The following MAGI2 variants were observed in gnomAD, a reference collection of about 807,000 sequenced individuals.
MAGI2 encodes membrane-associated guanylate kinase, WW and PDZ domain-containing protein 2.
In MAGI2, 35 loss-of-function variants were observed where a neutral mutation model predicts 133.3. The observed-to-expected ratio is 0.26, with a 90% CI of 0.20 to 0.35. MAGI2 has a LOEUF of 0.35. Among genes scored for constraint, MAGI2 ranks in the 10% least tolerant of loss-of-function variants. The pLI is 1.00. For synonymous variants in MAGI2, 729 were observed against 710.6 expected (o/e 1.03, Z -0.41); for missense variants, 1,636 against 1,863.4 (o/e 0.88, Z 2.25).
chr7:79,135,997 AAGAAAGAGAAAGAAAG>A (rs1821400397), intron 1 of MAGI2, among the ~76,000 whole-genome samples: 1 of 47,226 alleles, frequency 2.1e-5, no homozygotes, highest in African/African-American at 5.6e-5. Context: ...GAAAGAAAGA[AAGAAAGAGAAAGAAAG>A]AAAGAAAGAA....
intron 3 of MAGI2, among the ~76,000 whole-genome samples, chr7:78,579,065 T>G (rs996623522): frequency 4.6e-5 from 7 of 152,182 alleles, no homozygotes; most frequent in Non-Finnish European, 1.0e-4. Context: ...GAAGCTTTCC[T>G]CAGGTACAGC....
intron 6 of MAGI2, among the ~76,000 whole-genome samples, chr7:78,384,766 C>T (rs1411272359): frequency 6.6e-6 from 1 of 152,040 alleles, no homozygotes; most frequent in African/African-American, 2.4e-5. Context: ...ATTAGACAAA[C>T]TGAATTCTAC....
intron 1 of MAGI2, among the ~76,000 whole-genome samples, chr7:79,026,882 G>GAAAAGA (rs1554335936): frequency 6.7e-6 from 1 of 149,594 alleles, no homozygotes; most frequent in Non-Finnish European, 1.5e-5. Context: ...AAAGAAAAAA[G>GAAAAGA]AAAAAAAAAT....
intron 1 of MAGI2, among the ~76,000 whole-genome samples, chr7:79,304,731 A>G (rs561642382): frequency 2.0e-5 from 3 of 152,310 alleles, no homozygotes; most frequent in African/African-American, 7.2e-5. Context: ...CACCAGGTCT[A>G]ATTCCCTCTC....
chr7:79,130,096 G>A (rs1385674536), intron 1 of MAGI2, among the ~76,000 whole-genome samples: 1 of 150,164 alleles, frequency 6.7e-6, no homozygotes, highest in African/African-American at 2.4e-5. Flanking sequence ...AAGCCAGGAG[G>A]TCAAGGCCAG....
intron 2 of MAGI2, among the ~76,000 whole-genome samples, chr7:78,776,167 T>C (rs1825972013): frequency 6.6e-6 from 1 of 152,252 alleles, no homozygotes. Context: ...TAAGTGTTAA[T>C]TATTATTTTA....
intron 2 of MAGI2, among the ~76,000 whole-genome samples, chr7:78,689,746 T>C (rs181839837): frequency 3.3e-5 from 5 of 150,582 alleles, no homozygotes; most frequent in African/African-American, 9.7e-5. Context: ...CATGCTGTTA[T>C]ATGTATCAGT....
At chr7:78,771,181 C>G (rs952166418) in intron 2 of MAGI2, 1 of 152,184 alleles carries the variant, frequency 6.6e-6, no homozygotes, top group Non-Finnish European at 1.5e-5. Flanking sequence ...TCTCCTTCTC[C>G]CCTCTCTCGC....
chr7:78,165,288 G>A (rs1275316074), intron 15 of MAGI2, among the ~76,000 whole-genome samples: 3 of 152,084 alleles, frequency 2.0e-5, no homozygotes, highest in African/African-American at 4.8e-5. Flanking sequence ...TTGTATCACT[G>A]CACTCCAGCT....
chr7:78,777,295 A>G (rs1826058827), intron 2 of MAGI2, among the ~76,000 whole-genome samples: 1 of 152,180 alleles, frequency 6.6e-6, no homozygotes, highest in Non-Finnish European at 1.5e-5. Context: ...AGCGACCTTG[A>G]CTTCACTATT....
At chr7:78,595,408 A>T (rs1393207037) in intron 3 of MAGI2, among the ~76,000 whole-genome samples, 1 of 152,186 alleles carries the variant, frequency 6.6e-6, no homozygotes, top group East Asian at 1.9e-4. Flanking sequence ...TTTTTAAACT[A>T]GCTGCGATTT....
chr7:78,338,142 T>C lies in MAGI2; in HGVS notation c.1408+5636A>G, dbSNP rs531002207. 3.3e-5 allele frequency among the ~76,000 whole-genome samples: 5 copies of C among 152,368 alleles called. No individual in the cohort carries two copies. The South Asian group carries it at 1.0e-3, about 32-fold the overall frequency. On this transcript the variant is annotated intron_variant, in intron 9 of 21. Transcript: ENST00000354212. ...AGGATATATGACTCTATACTGTCTC[T>C]GATGTTTGCTACAAGTCTAAGTAGT...
intron 2 of MAGI2, among the ~76,000 whole-genome samples, chr7:78,748,721 C>T (rs1823168254): frequency 6.6e-6 from 1 of 151,886 alleles, no homozygotes; most frequent in Non-Finnish European, 1.5e-5. Context: ...AGGACATAGT[C>T]TGGGTTCTGA....
At chr7:79,189,450 C>T (rs1160116087) in intron 1 of MAGI2, among the ~76,000 whole-genome samples, 4 of 151,556 alleles carry the variant, frequency 2.6e-5, no homozygotes, top group African/African-American at 9.7e-5. Context: ...ATGTGATACC[C>T]TATTTTTAAA....
At chr7:79,031,044 G>C (rs1010692133) in intron 1 of MAGI2, among the ~76,000 whole-genome samples, 1 of 152,142 alleles carries the variant, frequency 6.6e-6, no homozygotes, top group African/African-American at 2.4e-5. Flanking sequence ...AGCATGCTAA[G>C]AGTTAGATAT....
chr7:79,270,130 T>C (rs983639741), intron 1 of MAGI2, among the ~76,000 whole-genome samples: 6 of 152,142 alleles, frequency 3.9e-5, no homozygotes, highest in Non-Finnish European at 5.9e-5. Context: ...ACTCAGCATA[T>C]GAAAACCATT....
rs1824829017 is a variant in MAGI2, at chr7:78,160,157, C to A, written c.2713G>T (p.Ala905Ser). 6.2e-7 allele frequency: 1 copy of A among 1,612,726 alleles called. No individual in the cohort carries two copies. Among genetic ancestry groups the A allele is most frequent in the African/African-American group, 1.3e-5 (1 of 74,928 alleles). ...NSNHAAPSSN[A>S]SPPEGFASHS... ...GAGGCGAAGCCTTCAGGGGGAGAGG[C>A]ATTGCTACTGGGGGCAGCGTGGTTG... is the stretch of plus-strand genomic sequence containing the variant. Residue 905 changes from alanine to serine, a missense_variant, in exon 16 of 22, where the codon GCC (alanine) becomes TCC (serine). Coordinates refer to ENST00000354212, the MANE Select transcript of MAGI2 (RefSeq NM_012301.4).
chr7:78,675,950 G>A (rs74576505), intron 2 of MAGI2, among the ~76,000 whole-genome samples: 6,335 of 152,106 alleles, frequency 0.042, 147 homozygotes, highest in Middle Eastern at 0.071. Context: ...AGACCACATT[G>A]TGTCTTATGA....
chr7:78,281,895 AAAG>A (rs1258066019), intron 9 of MAGI2, among the ~76,000 whole-genome samples: 14 of 151,978 alleles, frequency 9.2e-5, no homozygotes, highest in Admixed American at 6.6e-4. Flanking sequence ...AAAAAAAAAA[AAAG>A]GAGAAAACTT....
Sources: allele counts gnomAD v4.1 joint callset (sites outside exome capture counted in the v4.1 genomes callset), GRCh38; gene constraint gnomAD v4.1.1; transcripts MANE v1.5; gene names NCBI Gene and HGNC (gene_info 2026-07-23, HGNC 2026-07-21).